PRKAR2B: variants seen among roughly 807,000 people sequenced by gnomAD.
PRKAR2B encodes the protein cAMP-dependent protein kinase type II-beta regulatory subunit.
Under a neutral mutation model 49.9 loss-of-function variants are expected in PRKAR2B, and 14 were observed. The ratio of observed to expected loss-of-function variants is 0.28; its 90% CI spans 0.19 to 0.44. PRKAR2B has a LOEUF of 0.44. PRKAR2B is among the 20% of genes least tolerant of loss of function. The probability of loss-of-function intolerance (pLI) is 1.00; values close to 1 mark genes in which losing one functional copy is unlikely to be tolerated. For synonymous variants in PRKAR2B, 196 were observed against 197.7 expected (o/e 0.99, Z 0.07); for missense variants, 393 against 537.9 (o/e 0.73, Z 2.67).
intron 2 of PRKAR2B, among the ~76,000 whole-genome samples, chr7:107,108,887 A>G (rs1795123202): frequency 6.6e-6 from 1 of 152,190 alleles, no homozygotes; most frequent in Non-Finnish European, 1.5e-5. Context: ...GGCTTTGCTC[A>G]GGAAACAATT....
chr7:107,060,190 A>G (rs902296890), intron 1 of PRKAR2B, among the ~76,000 whole-genome samples: 1 of 152,148 alleles, frequency 6.6e-6, no homozygotes, highest in Non-Finnish European at 1.5e-5. Flanking sequence ...ATAATTTTTG[A>G]GAGTATATAG....
intron 3 of PRKAR2B, among the ~76,000 whole-genome samples, chr7:107,127,500 C>G (rs928063051): frequency 6.6e-6 from 1 of 152,234 alleles, no homozygotes; most frequent in Non-Finnish European, 1.5e-5. Context: ...TCTTCACACT[C>G]TAGAATACAA....
chr7:107,109,693 T>C (rs1795138436), intron 2 of PRKAR2B, among the ~76,000 whole-genome samples: 1 of 152,150 alleles, frequency 6.6e-6, no homozygotes, highest in Non-Finnish European at 1.5e-5. Flanking sequence ...ATACAAACTT[T>C]GGTGTCTATC....
chr7:107,050,610 G>A (rs1363198778), intron 1 of PRKAR2B, among the ~76,000 whole-genome samples: 1 of 152,026 alleles, frequency 6.6e-6, no homozygotes, highest in African/African-American at 2.4e-5. Context: ...GTCAGTAGTA[G>A]TAGTAATAAA....
At chr7:107,141,001 T>G in intron 5 of PRKAR2B, 48 bp downstream of exon 5, 1 of 1,339,160 alleles carries the variant, frequency 7.5e-7, no homozygotes, top group Non-Finnish European at 1.1e-6. Context: ...ACCTTTTGTG[T>G]AAAATCTCAA....
intron 2 of PRKAR2B, among the ~76,000 whole-genome samples, chr7:107,094,776 A>G (rs1192889247): frequency 2.6e-5 from 4 of 152,078 alleles, no homozygotes; most frequent in Non-Finnish European, 4.4e-5. Flanking sequence ...TCCTTTCCCC[A>G]TTTCTTGTTT....
intron 2 of PRKAR2B, among the ~76,000 whole-genome samples, chr7:107,121,161 A>G (rs1795380806): frequency 6.6e-6 from 1 of 151,986 alleles, no homozygotes; most frequent in African/African-American, 2.4e-5. Flanking sequence ...CCTTCTAGAA[A>G]GAAACATGGT....
intron 1 of PRKAR2B, among the ~76,000 whole-genome samples, chr7:107,059,366 A>G (rs1426883000): frequency 1.3e-5 from 2 of 152,098 alleles, no homozygotes; most frequent in Non-Finnish European, 2.9e-5. Context: ...CATTCCATCA[A>G]CTTCTCTCTC....
intron 4 of PRKAR2B, among the ~76,000 whole-genome samples, chr7:107,136,036 G>T (rs1202381563): frequency 6.6e-6 from 1 of 152,160 alleles, no homozygotes; most frequent in Non-Finnish European, 1.5e-5. Flanking sequence ...CCACTTAAAT[G>T]CAGTTAACTG....
intron 2 of PRKAR2B, among the ~76,000 whole-genome samples, chr7:107,079,261 C>G (rs1794467956): frequency 6.6e-6 from 1 of 152,056 alleles, no homozygotes. Context: ...TATAAATTTG[C>G]CACAGCAATA....
intron 2 of PRKAR2B, among the ~76,000 whole-genome samples, chr7:107,121,213 C>G (rs1413459482): frequency 1.7e-4 from 26 of 151,812 alleles, no homozygotes; most frequent in Non-Finnish European, 8.8e-5. Context: ...TTAGCCCCTG[C>G]AAATAACTTT....
chr7:107,126,607 C>G (rs143475769), intron 3 of PRKAR2B, among the ~76,000 whole-genome samples: 114 of 152,116 alleles, frequency 7.5e-4, no homozygotes, highest in Admixed American at 4.4e-3. Context: ...TCCTCTCCCC[C>G]CTTTCCTTTC....
chr7:107,143,221 G>A (rs1795821538), intron 5 of PRKAR2B, among the ~76,000 whole-genome samples: 2 of 152,274 alleles, frequency 1.3e-5, no homozygotes, highest in African/African-American at 2.4e-5. Flanking sequence ...AGTGTAAATC[G>A]AAGAGTTTAA....
At chr7:107,115,635 C>T (rs1213354867) in intron 2 of PRKAR2B, among the ~76,000 whole-genome samples, 1 of 152,062 alleles carries the variant, frequency 6.6e-6, no homozygotes, top group Non-Finnish European at 1.5e-5. Context: ...TCAGCCTTTC[C>T]TCCATTTGCC....
At chr7:107,133,867 C>A (rs1584445841) in intron 4 of PRKAR2B, 1 of 152,224 alleles carries the variant, frequency 6.6e-6, no homozygotes, top group Middle Eastern at 3.4e-3. Context: ...GAAAGGAAAT[C>A]TCCTTTTCAC....
At chr7:107,079,318 T>C (rs778241191) in intron 2 of PRKAR2B, 3 of 150,944 alleles carry the variant, frequency 2.0e-5, no homozygotes, top group Non-Finnish European at 4.4e-5. Context: ...TCTCTGTACT[T>C]ATCTTATTGC....
chr7:107,106,976 G>A (rs1795084437), intron 2 of PRKAR2B, among the ~76,000 whole-genome samples: 1 of 152,096 alleles, frequency 6.6e-6, no homozygotes, highest in South Asian at 2.1e-4. Flanking sequence ...GCACATAAGG[G>A]GCCTCTCCTC....
chr7:107,063,187 A>G (rs950881224), intron 1 of PRKAR2B, among the ~76,000 whole-genome samples: 1 of 152,176 alleles, frequency 6.6e-6, no homozygotes, highest in Non-Finnish European at 1.5e-5. Context: ...TATTTTTAAT[A>G]GAGACGGGTT....
chr7:107,094,328 A>G (rs1166841523), intron 2 of PRKAR2B, among the ~76,000 whole-genome samples: 1 of 152,146 alleles, frequency 6.6e-6, no homozygotes, highest in Non-Finnish European at 1.5e-5. Flanking sequence ...GTGTCTGTTC[A>G]TATCCTTTGC....
Sources: gnomAD v4.1 joint callset for allele counts (sites outside exome capture counted in the v4.1 genomes callset) on GRCh38, gnomAD v4.1.1 for gene constraint, MANE v1.5 for transcripts, NCBI Gene and HGNC (gene_info 2026-07-23, HGNC 2026-07-21) for gene names.